TRIM13: variants seen among roughly 807,000 people sequenced by gnomAD.
TRIM13 encodes E3 ubiquitin-protein ligase TRIM13.
Under a neutral mutation model 27.1 loss-of-function variants are expected in TRIM13, and 15 were observed. The ratio of observed to expected loss-of-function variants is 0.55; its 90% CI spans 0.37 to 0.85. The LOEUF is 0.85. Ranked by LOEUF, TRIM13 falls within the 40% of genes least tolerant of loss-of-function variation. The probability of loss-of-function intolerance (pLI) is 0.00; values close to 1 mark genes in which losing one functional copy is unlikely to be tolerated. For synonymous variants in TRIM13, 193 were observed against 171.5 expected, an observed-to-expected ratio of 1.13 and a Z score of -0.98; for missense variants, 402 against 472.2, an observed-to-expected ratio of 0.85 and a Z score of 1.38.
rs1205504715 is a variant in TRIM13 at position 49,997,062 on chromosome 13, C to G, written c.-708C>G. 7.5e-6 allele frequency: 1 copy of G among 132,536 alleles called. No homozygotes were observed. Among genetic ancestry groups the G allele is most frequent in the East Asian group, 2.2e-4 (1 of 4,450 alleles). The allele number at this position is 132,536 out of a possible 1,614,324, so 8.2% of individuals were successfully genotyped here. On this transcript the variant is annotated 5_prime_UTR_variant, in exon 1 of 2. Transcript: ENST00000378182. ...GCCGCGAGTCCATTTTGGGGCTGTG[C>G]TTGGCGCGTACCGTGCGGTCCCTGT...
chr13:50,004,552 G>A (rs1399719929), intron 1 of TRIM13, among the ~76,000 whole-genome samples: 1 of 151,184 alleles, frequency 6.6e-6, no homozygotes, highest in Non-Finnish European at 1.5e-5. Context: ...CATTTGAGGT[G>A]AGGAGTTCAA....
chr13:50,003,991 G>C (rs548879177), intron 1 of TRIM13, among the ~76,000 whole-genome samples: 14 of 152,206 alleles, frequency 9.2e-5, no homozygotes, highest in Middle Eastern at 3.4e-3. Flanking sequence ...GTTTTTAATT[G>C]GTATTTGTGC....
rs1876837296 is a variant in TRIM13, at chr13:50,018,072, T to A, written c.*4908T>A. ...GTTGGTCACAGGATTCTAAAGTCTTTATTTGACTTCTCCTTTTTGAACTGG... is the reference window on the plus strand; with the variant it reads ...GTTGGTCACAGGATTCTAAAGTCTTAATTTGACTTCTCCTTTTTGAACTGG... On this transcript the variant is annotated 3_prime_UTR_variant, in exon 2 of 2. Coordinates refer to ENST00000378182, the MANE Select transcript of TRIM13 (RefSeq NM_213590.3). 6.0e-6 allele frequency: 1 copy of A among 167,078 alleles called. No individual in the cohort carries two copies. 10.3% of individuals were successfully genotyped at this position (167,078 alleles called of 1,614,324 possible).
In TRIM13 at chr13:50,012,201, C is replaced by A; in HGVS notation, c.261C>A (p.Ile87=). The change falls in exon 2 of 2, where the codon ATC becomes ATA. Residue 87 remains isoleucine, a synonymous_variant. Transcript: ENST00000378182. ...GIVEKYNKIK[I]SPKMPVCKGH... is the part of the protein sequence containing the mutation. ...TGGAAAAGTATAACAAGATCAAGATCTCTCCCAAAATGCCAGTATGCAAAG... is the reference window on the plus strand; with the variant it reads ...TGGAAAAGTATAACAAGATCAAGATATCTCCCAAAATGCCAGTATGCAAAG... 6.2e-7 allele frequency: 1 copy of A among 1,614,156 alleles called. No homozygotes were observed. Among genetic ancestry groups the A allele is most frequent in the Non-Finnish European group, 8.5e-7 (1 of 1,180,012 alleles).
chr13:50,015,308 G>A lies in TRIM13; in HGVS notation c.*2144G>A, dbSNP rs1876397223. 8.2e-6 allele frequency: 4 copies of A among 485,900 alleles called. No homozygotes were observed. The highest frequency in any genetic ancestry group is 5.0e-5 in the South Asian group (1 of 20,170). The allele number at this position is 485,900 out of a possible 1,614,324, so 30.1% of individuals were successfully genotyped here. ...TATACTGCAAGTTCCCAGGCAACTC[G>A]AATTTGCAAACACAGCCATGGATAC... On this transcript the variant is annotated 3_prime_UTR_variant, in exon 2 of 2. Coordinates refer to ENST00000378182, the MANE Select transcript of TRIM13 (RefSeq NM_213590.3).
intron 1 of TRIM13, among the ~76,000 whole-genome samples, chr13:50,003,098 T>A (rs1040826776): frequency 6.6e-6 from 1 of 152,204 alleles, no homozygotes; most frequent in African/African-American, 2.4e-5. Context: ...GAAATGATTT[T>A]TTTTAATGAG....
rs1046723764 is a variant in TRIM13, at chr13:49,998,327, A to G, written c.-7+564A>G. On this transcript the variant is annotated intron_variant, in intron 1 of 1. Coordinates refer to ENST00000378182, the MANE Select transcript of TRIM13 (RefSeq NM_213590.3). ...CCGGGCTGTTCTGTTCATTCTATAC[A>G]TTTATGATAGGTTATCTGGCCTTAA... 2.6e-5 allele frequency among the ~76,000 whole-genome samples: 4 copies of G among 152,136 alleles called. No homozygotes were observed. The East Asian group carries it at 7.7e-4, about 29-fold the overall frequency.
rs780991807 is a variant in TRIM13 at position 50,015,730 on chromosome 13, T to C, written c.*2566T>C. 13 of 1,614,008 alleles carry C rather than the reference T, an allele frequency of 8.1e-6. No individual in the cohort carries two copies. The highest frequency in any genetic ancestry group is 1.1e-5 in the Non-Finnish European group (13 of 1,179,986). ...TATTACCCACTGAATTTTCAGACTA[T>C]CTTAGGCTTCAGAGAGAGGCTCTTT... On this transcript the variant is annotated 3_prime_UTR_variant, in exon 2 of 2. Transcript: ENST00000378182.
chr13:49,999,639 A>T (rs1269651097), intron 1 of TRIM13, among the ~76,000 whole-genome samples: 1 of 152,156 alleles, frequency 6.6e-6, no homozygotes, highest in Non-Finnish European at 1.5e-5. Flanking sequence ...CAGCCTTCAG[A>T]GTAGCTGGGA....
intron 1 of TRIM13, among the ~76,000 whole-genome samples, chr13:50,011,136 C>G (rs1456958964): frequency 2.0e-5 from 3 of 152,220 alleles, no homozygotes; most frequent in Non-Finnish European, 4.4e-5. Context: ...TCAGCAGTGT[C>G]TACACACCAT....
intron 1 of TRIM13, among the ~76,000 whole-genome samples, chr13:50,010,106 T>C (rs1594579929): frequency 6.8e-6 from 1 of 146,074 alleles, no homozygotes; most frequent in African/African-American, 2.5e-5. Flanking sequence ...TGGAGTGCAG[T>C]GGTGCTATCT....
Position 50,014,889 on chromosome 13 carries a change from T to A in TRIM13, c.*1725T>A, listed in dbSNP as rs1028686859. 1.2e-5 allele frequency: 2 copies of A among 166,282 alleles called. No individual in the cohort carries two copies. The highest frequency in any genetic ancestry group is 2.9e-5 in the Non-Finnish European group (2 of 67,978). The allele number at this position is 166,282 out of a possible 1,614,324, so 10.3% of individuals were successfully genotyped here. On this transcript the variant is annotated 3_prime_UTR_variant, in exon 2 of 2. Transcript: ENST00000378182. The stretch of plus-strand genomic sequence containing the variant: ...AACTAAATTTAAAGCACAGAAGAAA[T>A]GATTTCCTTCTAGCTATGAGAATAG...
chr13:50,005,423 C>T (rs1041819159), intron 1 of TRIM13, among the ~76,000 whole-genome samples: 1 of 151,804 alleles, frequency 6.6e-6, no homozygotes, highest in South Asian at 2.1e-4. Context: ...ACTATAATCC[C>T]AGAACTTTGG....
Position 50,012,069 on chromosome 13 carries a change from G to A in TRIM13, c.129G>A (p.Arg43=). The change falls in exon 2 of 2, where the codon CGG becomes CGA. Residue 43 remains arginine, a synonymous_variant. Coordinates refer to ENST00000378182, the MANE Select transcript of TRIM13 (RefSeq NM_213590.3). ...AAGGTATCTTAGAAGGGAGTGTGCG[G>A]AATTCCTTGTGGAGACCAGCTCCAT... ...CLEGILEGSV[R]NSLWRPAPFK... 6.8e-6 allele frequency: 11 copies of A among 1,614,110 alleles called. No homozygotes were observed. The highest frequency in any genetic ancestry group is 8.5e-6 in the Non-Finnish European group (10 of 1,179,996).
chr13:50,004,911 A>G (rs1874487163), intron 1 of TRIM13, among the ~76,000 whole-genome samples: 1 of 152,022 alleles, frequency 6.6e-6, no homozygotes, highest in Non-Finnish European at 1.5e-5. Flanking sequence ...CCCTGTCTCT[A>G]CTAAAAATAC....
At chr13:50,010,607 C>T (rs774885457) in intron 1 of TRIM13, among the ~76,000 whole-genome samples, 4 of 152,192 alleles carry the variant, frequency 2.6e-5, no homozygotes, top group Non-Finnish European at 4.4e-5. Context: ...ATTAATATCA[C>T]TGCCCATCTC....
chr13:50,004,895 G>A (rs1418279315), intron 1 of TRIM13, among the ~76,000 whole-genome samples: 1 of 151,894 alleles, frequency 6.6e-6, no homozygotes, highest in African/African-American at 2.4e-5. Context: ...GACCAACATG[G>A]TGAAACCCTG....
chr13:50,012,874 T>C lies in TRIM13; in HGVS notation c.934T>C (p.Trp312Arg), dbSNP rs370035469. ...TGGCACATTCATTAGCAAGATTCCC[T>C]GGAGCTTTTATAAGTTATTTTTGCT... ...DTGTFISKIP[W>R]SFYKLFLLIL... The change falls in exon 2 of 2, where the codon TGG (tryptophan) becomes CGG (arginine). Residue 312 changes from tryptophan to arginine, a missense_variant. Transcript: ENST00000378182. 86 of 1,613,976 alleles carry C rather than the reference T, an allele frequency of 5.3e-5. No homozygotes were observed. The highest frequency in any genetic ancestry group is 1.3e-4 in the Admixed American group (8 of 60,006).
chr13:50,004,667 C>T lies in TRIM13; in HGVS notation c.-7+6904C>T, dbSNP rs572570523. ...TAATCCGAGCTACACGGGAGGCTGACGCAAGAGAATTGCTTGAGCCTAGGA... is the reference window on the plus strand; with the variant it reads ...TAATCCGAGCTACACGGGAGGCTGATGCAAGAGAATTGCTTGAGCCTAGGA... On this transcript the variant is annotated intron_variant, in intron 1 of 1. Coordinates refer to ENST00000378182, the MANE Select transcript of TRIM13 (RefSeq NM_213590.3). Among the ~76,000 whole-genome samples the T allele has an allele frequency of 8.6e-5, 13 of 151,562 alleles. No homozygotes were observed. In the East Asian group the frequency reaches 1.6e-3, roughly 18 times the overall value.
Sources: allele counts gnomAD v4.1 joint callset (sites outside exome capture counted in the v4.1 genomes callset), GRCh38; gene constraint gnomAD v4.1.1; transcripts MANE v1.5; gene names NCBI Gene and HGNC (gene_info 2026-07-23, HGNC 2026-07-21).